The following PUDP variants were observed in gnomAD, a reference collection of about 807,000 sequenced individuals.
The protein encoded by PUDP is pseudouridine-5'-phosphatase.
Under a neutral mutation model 9.4 loss-of-function variants are expected in PUDP, and 8 were observed. That is an observed-to-expected ratio of 0.85 (90% CI 0.50 to 1.53). The LOEUF (loss-of-function observed/expected upper bound fraction) is 1.53. Ranked by LOEUF, PUDP falls within the 40% of genes most tolerant of loss-of-function variation. The pLI is 0.00. For synonymous variants in PUDP, 99 were observed against 80.7 expected, an observed-to-expected ratio of 1.23 and a Z score of -1.22; for missense variants, 188 against 189.7, an observed-to-expected ratio of 0.99 and a Z score of 0.05.
At chrX:7,080,491 C>T (rs1227002616) in intron 2 of PUDP, among the ~76,000 whole-genome samples, 1 of 111,725 alleles carries the variant, frequency 9.0e-6, no homozygotes, top group East Asian at 2.8e-4. Flanking sequence ...ATCCCAAAAC[C>T]AGACAAAAGC....
intron 1 of PUDP, among the ~76,000 whole-genome samples, chrX:7,144,594 G>A (rs1368556025): frequency 1.8e-5 from 2 of 110,864 alleles, no homozygotes; most frequent in African/African-American, 3.3e-5. Flanking sequence ...CCCAGACAGT[G>A]AGGCAGGCAC....
At chrX:6,903,956 AT>A (rs1372930172) in intron 3 of PUDP, among the ~76,000 whole-genome samples, 104 of 96,859 alleles carry the variant, frequency 1.1e-3, no homozygotes, top group African/African-American at 2.7e-3. Flanking sequence ...ATATATATTT[AT>A]TTTTTTTTTT....
intron 3 of PUDP, among the ~76,000 whole-genome samples, chrX:6,782,701 T>G (rs1373106231): frequency 8.9e-6 from 1 of 112,461 alleles, no homozygotes; most frequent in Non-Finnish European, 1.9e-5. Flanking sequence ...CCCAACAGCC[T>G]GTCTAGAAGA....
At chrX:6,817,163 A>G (rs1204479210) in intron 3 of PUDP, among the ~76,000 whole-genome samples, 1 of 108,119 alleles carries the variant, frequency 9.2e-6, no homozygotes, top group African/African-American at 3.4e-5. Flanking sequence ...TGCAGTTTCT[A>G]CCTCCTAGAC....
chrX:6,940,961 T>G (rs1216690460), intron 3 of PUDP, among the ~76,000 whole-genome samples: 1 of 112,242 alleles, frequency 8.9e-6, no homozygotes, highest in Non-Finnish European at 1.9e-5. Context: ...TATATTATTT[T>G]AAAGCAATTT....
At chrX:7,124,999 G>C (rs1170265224) in intron 1 of PUDP, among the ~76,000 whole-genome samples, 1 of 97,713 alleles carries the variant, frequency 1.0e-5, no homozygotes, top group Non-Finnish European at 2.0e-5. Flanking sequence ...TCGGGCTACT[G>C]TACAATGACT....
intron 3 of PUDP, among the ~76,000 whole-genome samples, chrX:6,906,701 A>C (rs1927771855): frequency 8.9e-6 from 1 of 112,026 alleles, no homozygotes; most frequent in Non-Finnish European, 1.9e-5. Context: ...TGACAACCCC[A>C]GTCCAATTTC....
intron 1 of PUDP, among the ~76,000 whole-genome samples, chrX:7,024,687 C>A (rs1487062071): frequency 1.9e-5 from 2 of 105,304 alleles, no homozygotes; most frequent in African/African-American, 6.9e-5. Context: ...TCCGGGTTCA[C>A]GCCATTCTCC....
intron 3 of PUDP, among the ~76,000 whole-genome samples, chrX:6,932,426 T>C (rs938062532): frequency 1.1e-4 from 12 of 111,767 alleles, no homozygotes; most frequent in African/African-American, 2.3e-4. Context: ...AGCTCATCCA[T>C]TGTGCTTGGT....
At chrX:6,900,324 C>CT (rs1180331391) in intron 3 of PUDP, among the ~76,000 whole-genome samples, 24 of 56,463 alleles carry the variant, frequency 4.3e-4, no homozygotes, top group African/African-American at 1.3e-3. Flanking sequence ...GTTGTCACCA[C>CT]TTGGGGGGGG....
At chrX:6,927,331 T>C (rs1338205401) in intron 3 of PUDP, among the ~76,000 whole-genome samples, 3 of 112,131 alleles carry the variant, frequency 2.7e-5, no homozygotes, top group Non-Finnish European at 5.6e-5. Flanking sequence ...ACCCCGTGTT[T>C]TTAATTAGGT....
intron 3 of PUDP, among the ~76,000 whole-genome samples, chrX:6,971,570 C>T (rs1336713472): frequency 8.3e-5 from 8 of 96,595 alleles, no homozygotes; most frequent in African/African-American, 2.6e-4. Flanking sequence ...GCGCCCACCA[C>T]CACGCCCGGC....
intron 1 of PUDP, among the ~76,000 whole-genome samples, chrX:7,136,664 T>C (rs1250351846): frequency 3.6e-5 from 4 of 109,602 alleles, no homozygotes; most frequent in Non-Finnish European, 7.6e-5. Flanking sequence ...ATTATTCTTT[T>C]GATTACAAAT....
rs1443420119 is a variant in PUDP, at chrX:7,148,107, C to T, written c.7G>A (p.Ala3Thr). ...AGGTGGGTGACGGGCTGCGGGGGCG[C>T]CGCCATGGTGGCGCCTTCTGGGTCT... MA[A>T]PPQPVTHLIF... Residue 3 changes from alanine (A) to threonine (T), a missense_variant, in exon 1 of 4, where the codon GCG (alanine) becomes ACG (threonine). By Grantham distance (58) the Ala-to-Thr change is moderately conservative (BLOSUM62 0). Transcript: ENST00000381077. 2 of 1,131,368 alleles carry T rather than the reference C, an allele frequency of 1.8e-6. No individual in the cohort carries two copies. Among genetic ancestry groups the T allele is most frequent in the Non-Finnish European group, 2.3e-6 (2 of 853,293 alleles). The allele number at this position is 1,131,368 out of a possible 1,213,427, so 93.2% of individuals were successfully genotyped here.
At chrX:6,888,212 T>C (rs1927458419) in intron 3 of PUDP, among the ~76,000 whole-genome samples, 1 of 111,449 alleles carries the variant, frequency 9.0e-6, no homozygotes, top group African/African-American at 3.3e-5. Flanking sequence ...TATGTGTGAT[T>C]AGCAGCGTGG....
At chrX:6,960,833 G>A (rs1038970292) in intron 3 of PUDP, among the ~76,000 whole-genome samples, 3 of 111,292 alleles carry the variant, frequency 2.7e-5, no homozygotes, top group Non-Finnish European at 5.7e-5. Flanking sequence ...TGATGGGTCA[G>A]ACAGTAAATA....
At chrX:6,854,542 G>T (rs1017859108) in intron 3 of PUDP, among the ~76,000 whole-genome samples, 6 of 111,750 alleles carry the variant, frequency 5.4e-5, no homozygotes, top group Non-Finnish European at 9.4e-5. Context: ...ATAACTTTTG[G>T]CTCCCCAAAA....
chrX:6,793,544 T>C (rs1366454493), intron 3 of PUDP, among the ~76,000 whole-genome samples: 7 of 112,222 alleles, frequency 6.2e-5, no homozygotes, highest in Non-Finnish European at 1.3e-4. Context: ...CATAAAAGGA[T>C]TAAAGAGTCT....
intron 3 of PUDP, among the ~76,000 whole-genome samples, chrX:7,076,872 A>C (rs775796004): frequency 8.9e-6 from 1 of 112,195 alleles, no homozygotes; most frequent in African/African-American, 3.2e-5. Flanking sequence ...TAAAGCCTGC[A>C]CCTAGACAAT....
Sources: allele counts gnomAD v4.1 joint callset (sites outside exome capture counted in the v4.1 genomes callset), GRCh38; gene constraint gnomAD v4.1.1; transcripts MANE v1.5; gene names NCBI Gene and HGNC (gene_info 2026-07-23, HGNC 2026-07-21).